Variants in RBKS observed in about 807,000 individuals in gnomAD.
RBKS encodes the protein ribokinase.
In RBKS, 33 loss-of-function variants were observed where a neutral mutation model predicts 33.9. The observed-to-expected ratio is 0.97, with a 90% CI of 0.74 to 1.30. The LOEUF (loss-of-function observed/expected upper bound fraction) is 1.30, where lower values mean the gene tolerates loss of function less well. RBKS is among the 50% of genes most tolerant of loss of function. RBKS has a pLI of 0.00. For missense variants in RBKS, 361 were observed against 392.6 expected (o/e 0.92, Z 0.68); for synonymous variants, 125 against 143.0 (o/e 0.87, Z 0.90).
intron 1 of RBKS, among the ~76,000 whole-genome samples, chr2:27,860,965 C>T (rs549732538): frequency 1.3e-4 from 19 of 143,964 alleles, no homozygotes; most frequent in South Asian, 2.2e-4. Flanking sequence ...GTCTCTGTCT[C>T]TCTTTCTCTC....
chr2:27,840,020 CT>C (rs57069432), intron 5 of RBKS, among the ~76,000 whole-genome samples: 3,953 of 136,594 alleles, frequency 0.029, 55 homozygotes, highest in African/African-American at 0.048. Flanking sequence ...CACTCTTCTT[CT>C]TTTTTTTTTT....
At chr2:27,846,939 A>G (rs1181991729) in intron 4 of RBKS, 103 bp downstream of exon 4, 1 of 734,384 alleles carries the variant, frequency 1.4e-6, no homozygotes, top group South Asian at 1.8e-5. Context: ...AGTGATGGGT[A>G]TAGTAAGAGG....
chr2:27,820,571 CTCTCTCTCTT>C (rs964580604), intron 7 of RBKS, among the ~76,000 whole-genome samples: 10 of 130,482 alleles, frequency 7.7e-5, no homozygotes, highest in South Asian at 5.2e-4. Flanking sequence ...CTCTCTCTCT[CTCTCTCTCTT>C]TCTTTCTTTT....
At chr2:27,817,899 A>G (rs1363665994) in intron 7 of RBKS, among the ~76,000 whole-genome samples, 1 of 152,126 alleles carries the variant, frequency 6.6e-6, no homozygotes, top group Non-Finnish European at 1.5e-5. Context: ...AAGTGCCCCC[A>G]TAATCTAATC....
rs922062195 is a variant in RBKS at position 27,795,070 on chromosome 2, T to C, written c.796-13282A>G. On this transcript the variant is annotated intron_variant, in intron 7 of 7. Transcript: ENST00000302188. This position sits in a 1 kb window ranked among gnomAD's most constrained non-coding sequence, Gnocchi z 4.1. ...TTCTTCTGTTTTCAACCAAGAACCA[T>C]GACAGAGGCAATCTCCATGTGTTAA... Among the ~76,000 whole-genome samples, 5 of 152,346 alleles carry C rather than the reference T, an allele frequency of 3.3e-5. No homozygotes were observed. Among genetic ancestry groups the C allele is most frequent in the Admixed American group, 6.5e-5 (1 of 15,302 alleles).
intron 1 of RBKS, among the ~76,000 whole-genome samples, chr2:27,884,851 A>T (rs1664495505): frequency 6.6e-6 from 1 of 152,222 alleles, no homozygotes; most frequent in Non-Finnish European, 1.5e-5. Flanking sequence ...TTAGGACTGC[A>T]GAGAGACTTG....
chr2:27,834,359 C>G (rs1413580349), intron 5 of RBKS, among the ~76,000 whole-genome samples: 3 of 152,184 alleles, frequency 2.0e-5, no homozygotes, highest in Non-Finnish European at 4.4e-5. Context: ...ATATTTTTGG[C>G]TGCTCAGATT....
intron 7 of RBKS, among the ~76,000 whole-genome samples, chr2:27,812,847 A>G (rs1678011825): frequency 6.6e-6 from 1 of 152,154 alleles, no homozygotes; most frequent in African/African-American, 2.4e-5. Context: ...CCTAGAACTT[A>G]AAGTATAATA....
chr2:27,808,487 A>C (rs1459888718), intron 7 of RBKS, among the ~76,000 whole-genome samples: 1 of 152,208 alleles, frequency 6.6e-6, no homozygotes, highest in African/African-American at 2.4e-5. Context: ...CTCAGTCTTC[A>C]CACAGGTTGA....
At chr2:27,785,939 TATC>T (rs1276929634) in intron 7 of RBKS, among the ~76,000 whole-genome samples, 1 of 152,212 alleles carries the variant, frequency 6.6e-6, no homozygotes, top group Non-Finnish European at 1.5e-5. Flanking sequence ...TCTGATTGTC[TATC>T]AAATAGGATG....
chr2:27,864,230 CCAGG>C (rs1439668319), intron 1 of RBKS, among the ~76,000 whole-genome samples: 1 of 151,854 alleles, frequency 6.6e-6, no homozygotes, highest in African/African-American at 2.4e-5. Flanking sequence ...GCTATGTTGC[CCAGG>C]CTACTCTTGA....
rs555712827 is a variant in RBKS, at chr2:27,832,362, C to A, written c.606+324G>T. The stretch of plus-strand genomic sequence containing the variant: ...GCATCCTGCATTTTTACTTGCTAAA[C>A]CTGGCAACTTTAATATAGTCCTCAG... On this transcript the variant is annotated intron_variant, in intron 6 of 7. Transcript: ENST00000302188. Among the ~76,000 whole-genome samples, 38 of 152,192 alleles carry A rather than the reference C, an allele frequency of 2.5e-4. No individual in the cohort carries two copies. In the East Asian group the frequency reaches 7.3e-3, roughly 29 times the overall value.
At chr2:27,812,501 C>T (rs1470179184) in intron 7 of RBKS, among the ~76,000 whole-genome samples, 1 of 152,170 alleles carries the variant, frequency 6.6e-6, no homozygotes, top group East Asian at 1.9e-4. Context: ...AAATGTGGCA[C>T]ATATATACCA....
intron 6 of RBKS, among the ~76,000 whole-genome samples, chr2:27,830,560 G>A (rs1027184353): frequency 2.0e-5 from 3 of 152,238 alleles, no homozygotes; most frequent in African/African-American, 7.2e-5. Context: ...CACCGCGCCT[G>A]GCTCCAGAAC....
intron 2 of RBKS, among the ~76,000 whole-genome samples, chr2:27,855,662 T>A (rs1387797243): frequency 6.6e-6 from 1 of 152,240 alleles, no homozygotes; most frequent in Non-Finnish European, 1.5e-5. Flanking sequence ...ACTGTAGCTT[T>A]GGTCCATGAC....
At chr2:27,789,943 A>G (rs1414083678) in intron 7 of RBKS, among the ~76,000 whole-genome samples, 7 of 112,096 alleles carry the variant, frequency 6.2e-5, no homozygotes, top group African/African-American at 2.1e-4. Context: ...ATATATATGT[A>G]TATGTGTATA....
intron 1 of RBKS, among the ~76,000 whole-genome samples, chr2:27,873,580 T>C (rs1037824186): frequency 5.3e-5 from 8 of 152,154 alleles, no homozygotes; most frequent in Non-Finnish European, 8.8e-5. Flanking sequence ...AAAATGTAGG[T>C]TTGTATTTCT....
chr2:27,797,879 G>C lies in RBKS; in HGVS notation c.796-16091C>G, dbSNP rs564409045. Among the ~76,000 whole-genome samples the C allele has an allele frequency of 2.6e-5, 4 of 152,302 alleles. No individual in the cohort carries two copies. The South Asian group carries it at 6.2e-4, about 24-fold the overall frequency. ...AAAGTACAGGGAACTAAGACAACTG[G>C]GAACGGCGTAGAAGAGTTGAAAGCC... is the stretch of plus-strand genomic sequence containing the variant. On this transcript the variant is annotated intron_variant, in intron 7 of 7. Transcript: ENST00000302188.
At chr2:27,830,268 C>CT (rs541764442) in intron 6 of RBKS, among the ~76,000 whole-genome samples, 54 of 146,256 alleles carry the variant, frequency 3.7e-4, no homozygotes, top group South Asian at 6.5e-4. Context: ...GAACATTAAG[C>CT]TTTTTTTTTT....
Sources: allele counts gnomAD v4.1 joint callset (sites outside exome capture counted in the v4.1 genomes callset), GRCh38; gene constraint gnomAD v4.1.1; non-coding constraint Gnocchi (gnomAD v3.1); transcripts MANE v1.5; gene names NCBI Gene and HGNC (gene_info 2026-07-23, HGNC 2026-07-21).